Variants in DOCK1 observed in about 807,000 individuals in gnomAD.
The protein encoded by DOCK1 is dedicator of cytokinesis 1.
A neutral mutation model predicts 262.7 loss-of-function variants in DOCK1; 138 were observed. That is an observed-to-expected ratio of 0.53 (90% CI 0.46 to 0.61). The LOEUF (loss-of-function observed/expected upper bound fraction) is 0.61, where lower values mean the gene tolerates loss of function less well. Ranked by LOEUF, DOCK1 falls within the 20% of genes least tolerant of loss-of-function variation. The probability of loss-of-function intolerance (pLI) is 0.00; values close to 1 mark genes in which losing one functional copy is unlikely to be tolerated. For synonymous variants in DOCK1, 866 were observed against 867.4 expected (o/e 1.00, Z 0.03); for missense variants, 1,908 against 2,370.7 (o/e 0.80, Z 4.05).
At chr10:127,369,537 C>T (rs942622414) in intron 33 of DOCK1, among the ~76,000 whole-genome samples, 1 of 152,226 alleles carries the variant, frequency 6.6e-6, no homozygotes, top group African/African-American at 2.4e-5. Context: ...TTCCCAGAGT[C>T]CTCTGGAATT....
At chr10:127,154,072 T>C (rs2052783083) in intron 27 of DOCK1, 1 of 626,002 alleles carries the variant, frequency 1.6e-6, no homozygotes, top group African/African-American at 1.8e-5. Context: ...TTTGCTCCTG[T>C]CTCTGCTTTC....
At chr10:126,929,718 C>T (rs979780638) in intron 1 of DOCK1, among the ~76,000 whole-genome samples, 3 of 151,862 alleles carry the variant, frequency 2.0e-5, no homozygotes, top group Non-Finnish European at 1.5e-5. Flanking sequence ...GGGACCATTG[C>T]GGGGAGGGGC....
At chr10:127,268,283 C>T (rs544485148) in intron 29 of DOCK1, among the ~76,000 whole-genome samples, 186 of 151,522 alleles carry the variant, frequency 1.2e-3, no homozygotes, top group African/African-American at 4.0e-3. Context: ...TTTGGGAGGC[C>T]GAGGGAGTTC....
At chr10:127,306,451 C>G (rs562065992) in intron 29 of DOCK1, among the ~76,000 whole-genome samples, 2 of 152,170 alleles carry the variant, frequency 1.3e-5, no homozygotes, top group African/African-American at 4.8e-5. Context: ...ATGCTTGGTG[C>G]TGTGGCCATG....
chr10:127,393,058 CTGAG>C (rs1357997370), intron 38 of DOCK1, among the ~76,000 whole-genome samples: 1 of 152,228 alleles, frequency 6.6e-6, no homozygotes, highest in Non-Finnish European at 1.5e-5. Context: ...ACCGACCTGA[CTGAG>C]AGCGCCACGT....
Position 127,176,320 on chromosome 10 carries a change from G to A in DOCK1, c.2847+48556G>A. The A allele has an allele frequency of 2.5e-6, 4 of 1,614,052 alleles. No individual in the cohort carries two copies. Among genetic ancestry groups the A allele is most frequent in the Non-Finnish European group, 3.4e-6 (4 of 1,180,026 alleles). ...GGGTCCAGGGCGTATTTCATCTCCA[G>A]GGCCAGGCAGGCGGCGGGTTCCACT... On this transcript the variant is annotated intron_variant, in intron 27 of 51. Transcript: ENST00000623213. The surrounding 1 kb of genome is among the most constrained non-coding windows in gnomAD (Gnocchi z 4.4).
intron 23 of DOCK1, among the ~76,000 whole-genome samples, chr10:127,085,206 C>T (rs1167507784): frequency 6.6e-6 from 1 of 152,124 alleles, no homozygotes; most frequent in African/African-American, 2.4e-5. Context: ...CTTTTATGAA[C>T]TAGTAGATAT....
intron 23 of DOCK1, among the ~76,000 whole-genome samples, chr10:127,087,155 C>T (rs781444019): frequency 5.7e-4 from 86 of 152,150 alleles, no homozygotes; most frequent in South Asian, 4.1e-4. Context: ...TATTAAATAT[C>T]TAAGTGGGCA....
intron 10 of DOCK1, chr10:127,001,040 C>T (rs2135158516): frequency 6.6e-6 from 1 of 152,422 alleles, no homozygotes; most frequent in South Asian, 2.1e-4. Context: ...GATTATTTGC[C>T]CTAGTTCACT....
At chr10:127,109,896 G>T (rs962980454) in intron 24 of DOCK1, among the ~76,000 whole-genome samples, 2 of 151,996 alleles carry the variant, frequency 1.3e-5, no homozygotes, top group African/African-American at 4.8e-5. Context: ...GAAGTGGATG[G>T]TGACTATGTT....
chr10:126,993,519 A>C (rs970710686), intron 6 of DOCK1, among the ~76,000 whole-genome samples: 5 of 152,232 alleles, frequency 3.3e-5, no homozygotes, highest in Non-Finnish European at 5.9e-5. Flanking sequence ...GATAAGGAGT[A>C]GTATTTGGGA....
intron 23 of DOCK1, among the ~76,000 whole-genome samples, chr10:127,069,814 G>A (rs181382260): frequency 6.6e-6 from 1 of 152,298 alleles, no homozygotes; most frequent in East Asian, 1.9e-4. Flanking sequence ...AGAGAAGAGA[G>A]GGAGGTCCCA....
intron 27 of DOCK1, among the ~76,000 whole-genome samples, chr10:127,241,473 G>T (rs192639409): frequency 6.6e-6 from 1 of 152,102 alleles, no homozygotes; most frequent in Non-Finnish European, 1.5e-5. Flanking sequence ...CAGTACTCTT[G>T]CTCAGACCCT....
In DOCK1 at chr10:127,176,462, C is replaced by T. The variant is rs762071549; in HGVS notation, c.2847+48698C>T. On this transcript the variant is annotated intron_variant, in intron 27 of 51. Coordinates refer to ENST00000623213, the MANE Select transcript of DOCK1 (RefSeq NM_001290223.2). This position sits in a 1 kb window ranked among gnomAD's most constrained non-coding sequence, Gnocchi z 4.4. ...CAGAAATACACACTCAAGCACCGGC[C>T]GCACAAACTTTTAGCCACCACGACG... The T allele has an allele frequency of 2.3e-5, 32 of 1,386,150 alleles. No individual in the cohort carries two copies. The South Asian group carries it at 3.1e-4, about 14-fold the overall frequency. The allele number at this position is 1,386,150 out of a possible 1,614,324, so 85.9% of individuals were successfully genotyped here.
At chr10:127,387,905 T>G (rs1207719845) in intron 38 of DOCK1, among the ~76,000 whole-genome samples, 2 of 151,626 alleles carry the variant, frequency 1.3e-5, no homozygotes, top group East Asian at 3.9e-4. Flanking sequence ...TCCTACATTG[T>G]GATAGTTCAT....
chr10:127,125,480 G>A lies in DOCK1; in HGVS notation c.2630G>A (p.Arg877Lys). ...HSDLFTQHDC[R>K]EILLPMMTDQ... is the part of the protein sequence containing the mutation. ...AATGCTGTGTCCTGTGTAGACTGCA[G>A]AGAGATCCTGCTTCCCATGATGACC... Residue 877 changes from arginine (R) to lysine (K), a missense_variant, in exon 26 of 52, where the codon AGA (arginine) becomes AAA (lysine). This residue lies in a region of DOCK1 where 518 missense variants were observed against 575.1 expected (regional missense o/e 0.90). Transcript: ENST00000623213. 3 of 1,613,088 alleles carry A rather than the reference G, an allele frequency of 1.9e-6. No individual in the cohort carries two copies. Among genetic ancestry groups the A allele is most frequent in the Non-Finnish European group, 2.5e-6 (3 of 1,179,840 alleles).
chr10:127,122,795 C>T (rs577470058), intron 25 of DOCK1, among the ~76,000 whole-genome samples: 140 of 152,178 alleles, frequency 9.2e-4, no homozygotes, highest in African/African-American at 3.0e-3. Flanking sequence ...GGATGGTGAA[C>T]GTTACCACCA....
chr10:127,145,852 T>G, intron 27 of DOCK1: 1 of 370,114 alleles, frequency 2.7e-6, no homozygotes, highest in South Asian at 2.0e-5. Flanking sequence ...ACGGAAACCA[T>G]TAGCTGCTTG....
intron 23 of DOCK1, among the ~76,000 whole-genome samples, chr10:127,080,479 A>G (rs1313571642): frequency 3.9e-5 from 6 of 152,052 alleles, no homozygotes; most frequent in South Asian, 2.1e-4. Flanking sequence ...TTACTATTTA[A>G]TATCCAGCCC....
Sources: allele counts gnomAD v4.1 joint callset (sites outside exome capture counted in the v4.1 genomes callset), GRCh38; gene constraint gnomAD v4.1.1; regional missense constraint gnomAD v4.1.1; non-coding constraint Gnocchi (gnomAD v3.1); transcripts MANE v1.5; gene names NCBI Gene and HGNC (gene_info 2026-07-23, HGNC 2026-07-21).